Variants in OR52I2 observed in about 807,000 individuals in gnomAD.
OR52I2 encodes the protein olfactory receptor family 52 subfamily I member 2, also known as olfactory receptor 52I2.
For synonymous variants in OR52I2, 147 were observed against 151.9 expected (o/e 0.97, Z 0.24); for missense variants, 350 against 402.4 (o/e 0.87, Z 1.11).
chr11:4,591,133 C>A (rs1373898433), exon 2 of OR52I2: 1 of 152,110 alleles, frequency 6.6e-6, no homozygotes, highest in Non-Finnish European at 1.5e-5. Context: ...GGATTGAGAA[C>A]CTGACGAATG....
chr11:4,587,485 A>G, exon 2 of OR52I2: 1 of 1,614,216 alleles, frequency 6.2e-7, no homozygotes. Context: ...CCCCGTGCCC[A>G]GCAGTCTCTA....
At chr11:4,587,704 G>A (rs149646629) in exon 2 of OR52I2, 165 of 1,614,066 alleles carry the variant, frequency 1.0e-4, no homozygotes, top group East Asian at 2.2e-4. Flanking sequence ...GGGGCAGGAT[G>A]TAGTGCCCTT....
At chr11:4,583,824 C>G (rs957248157) in intron 1 of OR52I2, among the ~76,000 whole-genome samples, 1 of 152,340 alleles carries the variant, frequency 6.6e-6, no homozygotes, top group East Asian at 1.9e-4. Context: ...CAACTGAGGA[C>G]TCCTATCACA....
intron 1 of OR52I2, among the ~76,000 whole-genome samples, chr11:4,582,434 A>AT (rs386372959): frequency 0.041 from 3,968 of 96,226 alleles, 492 homozygotes; most frequent in African/African-American, 0.14. Flanking sequence ...TTTATTTTTC[A>AT]TTTTTTTTTT....
chr11:4,588,061 T>C, exon 2 of OR52I2: 1 of 591,830 alleles, frequency 1.7e-6, no homozygotes, highest in East Asian at 2.8e-5. Flanking sequence ...AATCAACTTG[T>C]ATCTGAATCA....
intron 1 of OR52I2, 96 bp from the exon 2 acceptor site, chr11:4,586,776 C>A (rs377292270): frequency 1.3e-6 from 2 of 1,570,570 alleles, no homozygotes; most frequent in Non-Finnish European, 1.7e-6. Flanking sequence ...GAGATTACCA[C>A]CAAGCTGAGA....
At chr11:4,585,358 C>T (rs759690091) in intron 1 of OR52I2, among the ~76,000 whole-genome samples, 1 of 152,180 alleles carries the variant, frequency 6.6e-6, no homozygotes, top group Admixed American at 6.5e-5. Flanking sequence ...GAAGAGGCAG[C>T]GCCCCTTGCA....
intron 1 of OR52I2, among the ~76,000 whole-genome samples, chr11:4,583,272 A>T (rs1846273402): frequency 6.7e-6 from 1 of 148,216 alleles, no homozygotes; most frequent in Non-Finnish European, 1.5e-5. Context: ...ATGAAGAATT[A>T]AAAAAAAACC....
chr11:4,587,413 T>C, exon 2 of OR52I2: 1 of 1,614,024 alleles, frequency 6.2e-7, no homozygotes, highest in Non-Finnish European at 8.5e-7. Flanking sequence ...TTTCTGTGGC[T>C]CCAATGTGGT....
At chr11:4,590,658 G>A (rs1051635151) in exon 2 of OR52I2, 2 of 152,146 alleles carry the variant, frequency 1.3e-5, no homozygotes, top group African/African-American at 4.8e-5. Context: ...GTGGGGAAGA[G>A]GCTGTTTGGA....
intron 1 of OR52I2, 104 bp downstream of exon 1, chr11:4,581,968 G>C (rs59616538): frequency 0.037 from 5,598 of 152,310 alleles, 292 homozygotes; most frequent in African/African-American, 0.12. Context: ...AAGTTATAAG[G>C]CCTCATGCCT....
intron 1 of OR52I2, among the ~76,000 whole-genome samples, chr11:4,583,429 G>C (rs1178322161): frequency 6.6e-6 from 1 of 152,170 alleles, no homozygotes; most frequent in Non-Finnish European, 1.5e-5. Flanking sequence ...TGGATCAGAG[G>C]TGAGTGGGGA....
intron 1 of OR52I2, among the ~76,000 whole-genome samples, chr11:4,585,712 A>T (rs991959653): frequency 3.9e-5 from 6 of 152,202 alleles, no homozygotes; most frequent in Non-Finnish European, 5.9e-5. Context: ...TGTCTTCTTG[A>T]CTATCCATAT....
chr11:4,587,271 T>C (rs1846310403), exon 2 of OR52I2: 3 of 1,614,026 alleles, frequency 1.9e-6, no homozygotes, highest in East Asian at 2.2e-5. Flanking sequence ...TTGACCGCTA[T>C]GTAGCCATCT....
chr11:4,583,359 G>A (rs1313486771), intron 1 of OR52I2, among the ~76,000 whole-genome samples: 1 of 152,188 alleles, frequency 6.6e-6, no homozygotes, highest in Non-Finnish European at 1.5e-5. Flanking sequence ...GCAAGCATCA[G>A]CTGAGGCTGC....
exon 2 of OR52I2, chr11:4,592,553 G>C (rs1477501663): frequency 6.6e-6 from 1 of 152,140 alleles, no homozygotes; most frequent in African/African-American, 2.4e-5. Context: ...AGAGGAAGGA[G>C]CCTCCCCTTG....
exon 2 of OR52I2, chr11:4,588,183 TCACCAA>T: frequency 9.8e-6 from 3 of 304,856 alleles, no homozygotes; most frequent in South Asian, 1.1e-4. Flanking sequence ...TGCTCCTGCC[TCACCAA>T]CTCTTAAAAT....
chr11:4,587,654 A>G (rs1564860457), exon 2 of OR52I2: 1 of 1,614,156 alleles, frequency 6.2e-7, no homozygotes, highest in South Asian at 1.1e-5. Context: ...ATGGCTTTGT[A>G]CTATCTACCT....
exon 2 of OR52I2, chr11:4,592,122 C>T (rs11032968): frequency 0.6 from 90,635 of 152,056 alleles, 27,113 homozygotes; most frequent in Middle Eastern, 0.65. Context: ...AGTATAGAAT[C>T]AGGCAGGGAA....
Sources: gnomAD v4.1 joint callset for allele counts (sites outside exome capture counted in the v4.1 genomes callset) on GRCh38, gnomAD v4.1.1 for gene constraint, MANE v1.5 for transcripts, NCBI Gene and HGNC (gene_info 2026-07-23, HGNC 2026-07-21) for gene names.